CDK6: variants seen among roughly 807,000 people sequenced by gnomAD.
The protein encoded by CDK6 is cyclin-dependent kinase 6.
In CDK6, 6 loss-of-function variants were observed where a neutral mutation model predicts 37.1. That is an observed-to-expected ratio of 0.16 (90% CI 0.09 to 0.32). The LOEUF is 0.32. Among genes scored for constraint, CDK6 ranks in the 10% least tolerant of loss-of-function variants. The probability of loss-of-function intolerance (pLI) is 1.00; values close to 1 mark genes in which losing one functional copy is unlikely to be tolerated. For missense variants in CDK6, 224 were observed against 418.9 expected, an observed-to-expected ratio of 0.53 and a Z score of 4.06; for synonymous variants, 160 against 161.3, an observed-to-expected ratio of 0.99 and a Z score of 0.06.
intron 4 of CDK6, among the ~76,000 whole-genome samples, chr7:92,720,439 T>C (rs762686410): frequency 3.3e-5 from 5 of 152,220 alleles, no homozygotes; most frequent in Non-Finnish European, 7.3e-5. Context: ...ACTGCCTGTT[T>C]GAATGGCAGT....
At chr7:92,731,865 T>C (rs1798659272) in intron 3 of CDK6, among the ~76,000 whole-genome samples, 1 of 152,164 alleles carries the variant, frequency 6.6e-6, no homozygotes, top group African/African-American at 2.4e-5. Flanking sequence ...TACCTCATCA[T>C]AATGGCTATT....
At chr7:92,795,978 T>C (rs1212384292) in intron 2 of CDK6, among the ~76,000 whole-genome samples, 1 of 151,836 alleles carries the variant, frequency 6.6e-6, no homozygotes, top group Non-Finnish European at 1.5e-5. Context: ...GAGCATAAGG[T>C]CACTCTCTGA....
At chr7:92,667,552 GTTT>G (rs112532643) in intron 5 of CDK6, among the ~76,000 whole-genome samples, 1 of 141,506 alleles carries the variant, frequency 7.1e-6, no homozygotes, top group Admixed American at 7.1e-5. Flanking sequence ...AATTTAAAAA[GTTT>G]TTTTTTTTTT....
At position 92,612,616 on chromosome 7, in the gene CDK6, G is replaced by A. The variant is rs367880431; in HGVS notation, c.*2524C>T. The A allele has an allele frequency of 3.4e-5, 8 of 233,128 alleles. No individual in the cohort carries two copies. The highest frequency in any genetic ancestry group is 1.8e-4 in the African/African-American group (8 of 45,480). The allele number at this position is 233,128 out of a possible 1,614,324, so 14.4% of individuals were successfully genotyped here. A position where few individuals can be genotyped will look rare whatever the true frequency, so the allele number is the denominator to read the frequency against. On this transcript the variant is annotated 3_prime_UTR_variant, in exon 8 of 8. Coordinates refer to ENST00000424848, the MANE Select transcript of CDK6 (RefSeq NM_001145306.2). The stretch of plus-strand genomic sequence containing the variant: ...TGTCATCAGAAGATAATCTGCCAAC[G>A]ATTGAATGCCAGAATGTTTGTGCTT...
At chr7:92,828,189 TAAAA>T (rs1160894371) in intron 2 of CDK6, among the ~76,000 whole-genome samples, 1 of 152,124 alleles carries the variant, frequency 6.6e-6, no homozygotes, top group Non-Finnish European at 1.5e-5. Flanking sequence ...ACAACTTCCT[TAAAA>T]GAAGAATTTA....
At chr7:92,824,651 G>T (rs556192279) in intron 2 of CDK6, among the ~76,000 whole-genome samples, 1 of 152,182 alleles carries the variant, frequency 6.6e-6, no homozygotes, top group South Asian at 2.1e-4. Context: ...CTTTCACAAC[G>T]TGAGGTGGAA....
chr7:92,743,420 T>C (rs1266966825), intron 3 of CDK6, among the ~76,000 whole-genome samples: 2 of 149,164 alleles, frequency 1.3e-5, no homozygotes, highest in Admixed American at 1.3e-4. Flanking sequence ...ATAAAAATAA[T>C]AATAAAAAAA....
chr7:92,730,541 C>T (rs1017524223), intron 3 of CDK6, among the ~76,000 whole-genome samples: 2 of 152,074 alleles, frequency 1.3e-5, no homozygotes, highest in African/African-American at 4.8e-5. Context: ...CCCCATGTAC[C>T]CCTCCCCTCA....
intron 5 of CDK6, among the ~76,000 whole-genome samples, chr7:92,663,314 C>T (rs1796878066): frequency 6.6e-6 from 1 of 152,080 alleles, no homozygotes; most frequent in South Asian, 2.1e-4. Flanking sequence ...CCAAGAGATG[C>T]CGCCACAGGG....
At chr7:92,790,920 T>C (rs758132588) in intron 2 of CDK6, among the ~76,000 whole-genome samples, 1 of 152,166 alleles carries the variant, frequency 6.6e-6, no homozygotes, top group Non-Finnish European at 1.5e-5. Flanking sequence ...AGAGAAACTT[T>C]GTATGCTACA....
chr7:92,722,568 G>C (rs1247183281), intron 4 of CDK6, among the ~76,000 whole-genome samples: 2 of 152,168 alleles, frequency 1.3e-5, no homozygotes, highest in Non-Finnish European at 2.9e-5. Context: ...ATCAGGACTA[G>C]GGTGCAAAAT....
intron 5 of CDK6, among the ~76,000 whole-genome samples, chr7:92,658,516 T>C (rs1488665575): frequency 6.6e-6 from 1 of 152,206 alleles, no homozygotes; most frequent in East Asian, 1.9e-4. Context: ...AGCCCATTTC[T>C]GTGAGAAAAA....
chr7:92,829,281 A>G (rs1801415238), intron 2 of CDK6, among the ~76,000 whole-genome samples: 1 of 152,218 alleles, frequency 6.6e-6, no homozygotes, highest in African/African-American at 2.4e-5. Context: ...TAAAGCAGTG[A>G]CTATTCTAAT....
At chr7:92,764,607 T>C (rs112690972) in intron 3 of CDK6, among the ~76,000 whole-genome samples, 15 of 152,336 alleles carry the variant, frequency 9.8e-5, no homozygotes, top group African/African-American at 3.6e-4. Flanking sequence ...ATTTTGCTTC[T>C]AGAGGGTGAT....
chr7:92,631,542 A>G (rs547936056), intron 5 of CDK6, among the ~76,000 whole-genome samples: 12 of 152,284 alleles, frequency 7.9e-5, no homozygotes, highest in Admixed American at 5.9e-4. Flanking sequence ...CCACAATTCA[A>G]GATGTTATTT....
Position 92,623,228 on chromosome 7 carries a change from T to G in CDK6, c.648-142A>C. Reference sequence around the variant, plus strand: ...TAAAAAAAATTGAGACATTTTTCCTTTGGTAAGTGAAGGTTTTCCCTGCAT... The same window carrying G: ...TAAAAAAAATTGAGACATTTTTCCTGTGGTAAGTGAAGGTTTTCCCTGCAT... On this transcript the variant is annotated intron_variant, in intron 5 of 7. Transcript: ENST00000424848. 6 of 626,928 alleles carry G rather than the reference T, an allele frequency of 9.6e-6. No individual in the cohort carries two copies. In the South Asian group the frequency reaches 1.2e-4, roughly 12 times the overall value. 38.8% of individuals were successfully genotyped at this position (626,928 alleles called of 1,614,324 possible).
At chr7:92,764,974 T>C (rs1799544498) in intron 3 of CDK6, among the ~76,000 whole-genome samples, 1 of 152,126 alleles carries the variant, frequency 6.6e-6, no homozygotes, top group African/African-American at 2.4e-5. Flanking sequence ...CAACTTAATA[T>C]ATATGGGCAT....
At chr7:92,749,924 A>T (rs900529789) in intron 3 of CDK6, among the ~76,000 whole-genome samples, 1 of 152,182 alleles carries the variant, frequency 6.6e-6, no homozygotes, top group East Asian at 1.9e-4. Flanking sequence ...ATGGAGAAAA[A>T]ATATATACTG....
chr7:92,771,237 T>A (rs1385272439), intron 3 of CDK6, among the ~76,000 whole-genome samples: 40 of 123,150 alleles, frequency 3.2e-4, no homozygotes, highest in East Asian at 6.9e-4. Context: ...AAAAAAAAAA[T>A]AAATAAAATA....
Sources: gnomAD v4.1 joint callset for allele counts (sites outside exome capture counted in the v4.1 genomes callset) on GRCh38, gnomAD v4.1.1 for gene constraint, MANE v1.5 for transcripts, NCBI Gene and HGNC (gene_info 2026-07-23, HGNC 2026-07-21) for gene names.